The following STX8 variants were observed in gnomAD, a reference collection of about 807,000 sequenced individuals.
STX8 encodes the protein syntaxin 8.
A neutral mutation model predicts 37.5 loss-of-function variants in STX8; 23 were observed. The ratio of observed to expected loss-of-function variants is 0.61; its 90% confidence interval spans 0.44 to 0.87. The LOEUF is 0.87. Ranked by LOEUF, STX8 falls within the 40% of genes least tolerant of loss-of-function variation. The pLI is 0.00. For missense variants in STX8, 313 were observed against 284.7 expected (o/e 1.10, Z -0.71); for synonymous variants, 115 against 99.1 (o/e 1.16, Z -0.95).
intron 7 of STX8, among the ~76,000 whole-genome samples, chr17:9,315,599 A>G (rs1378244428): frequency 6.6e-6 from 1 of 152,186 alleles, no homozygotes; most frequent in Non-Finnish European, 1.5e-5. Context: ...CATGTTGACT[A>G]TGTATATTTA....
intron 6 of STX8, chr17:9,461,123 T>C (rs1905364737): frequency 1.3e-5 from 2 of 152,080 alleles, no homozygotes; most frequent in African/African-American, 4.8e-5. Context: ...TAAATAATAA[T>C]ATTCCCAAGT....
At chr17:9,506,259 C>T (rs993973703) in intron 4 of STX8, among the ~76,000 whole-genome samples, 2 of 152,016 alleles carry the variant, frequency 1.3e-5, no homozygotes, top group African/African-American at 4.8e-5. Flanking sequence ...TCATCTTGTC[C>T]AGGACACGAC....
chr17:9,326,204 C>T (rs549633559), intron 7 of STX8, among the ~76,000 whole-genome samples: 1 of 152,008 alleles, frequency 6.6e-6, no homozygotes, highest in African/African-American at 2.4e-5. Context: ...GATCATGGCT[C>T]ATTGCAGCCT....
rs544857170 is a variant in STX8, at chr17:9,274,316, T to C, written c.644-23671A>G. On this transcript the variant is annotated intron_variant, in intron 7 of 7. Coordinates refer to ENST00000306357, the MANE Select transcript of STX8 (RefSeq NM_004853.3). Reference sequence around the variant, plus strand: ...TGGCTTTGTTCATAACTTCCTGCAGTAAAAAAAAGTCTTCAAAAAACCCAA... The same window carrying C: ...TGGCTTTGTTCATAACTTCCTGCAGCAAAAAAAAGTCTTCAAAAAACCCAA... Among the ~76,000 whole-genome samples the C allele has an allele frequency of 3.8e-4, 57 of 151,720 alleles. 1 individual carries two copies. In the South Asian group the frequency reaches 4.6e-3, roughly 12 times the overall value.
At chr17:9,487,058 T>C (rs1054287972) in intron 6 of STX8, among the ~76,000 whole-genome samples, 1 of 152,196 alleles carries the variant, frequency 6.6e-6, no homozygotes, top group Non-Finnish European at 1.5e-5. Flanking sequence ...ACTTAACTGC[T>C]GATCCATTTC....
intron 7 of STX8, among the ~76,000 whole-genome samples, chr17:9,343,305 A>T (rs1043655036): frequency 6.6e-6 from 1 of 152,156 alleles, no homozygotes; most frequent in African/African-American, 2.4e-5. Context: ...TTACCCAGAG[A>T]CAGTAAAATC....
intron 7 of STX8, among the ~76,000 whole-genome samples, chr17:9,267,082 A>T (rs1160557714): frequency 6.6e-6 from 1 of 152,188 alleles, no homozygotes; most frequent in African/African-American, 2.4e-5. Flanking sequence ...GAGTGTGTGA[A>T]AGGGTGAACG....
At chr17:9,438,699 C>T (rs1459709642) in intron 6 of STX8, among the ~76,000 whole-genome samples, 5 of 152,058 alleles carry the variant, frequency 3.3e-5, no homozygotes, top group Admixed American at 2.0e-4. Context: ...GAGGCCGAGG[C>T]AGGTGGATCA....
intron 6 of STX8, among the ~76,000 whole-genome samples, chr17:9,455,477 G>C (rs1445149501): frequency 6.6e-6 from 1 of 152,168 alleles, no homozygotes; most frequent in Non-Finnish European, 1.5e-5. Flanking sequence ...TCCAGCCTGG[G>C]CGACAGAGCG....
intron 4 of STX8, among the ~76,000 whole-genome samples, chr17:9,510,162 T>A (rs548980235): frequency 1.3e-5 from 2 of 152,154 alleles, no homozygotes; most frequent in Non-Finnish European, 2.9e-5. Context: ...AAGGGAGAGA[T>A]AGACTCAAAT....
intron 7 of STX8, among the ~76,000 whole-genome samples, chr17:9,375,009 A>G (rs1271316514): frequency 7.1e-6 from 1 of 141,684 alleles, no homozygotes; most frequent in African/African-American, 2.6e-5. Context: ...GGTTGCAGTG[A>G]GCTGAGATTG....
At chr17:9,566,512 T>C (rs563652084) in intron 2 of STX8, among the ~76,000 whole-genome samples, 1 of 151,776 alleles carries the variant, frequency 6.6e-6, no homozygotes, top group East Asian at 1.9e-4. Flanking sequence ...TGTGGCCAGG[T>C]GGGGTGGCTC....
At chr17:9,398,408 C>T (rs191739531) in intron 6 of STX8, among the ~76,000 whole-genome samples, 23 of 152,202 alleles carry the variant, frequency 1.5e-4, no homozygotes, top group African/African-American at 5.3e-4. Flanking sequence ...TGAGCATTAC[C>T]CCCACAAAAC....
chr17:9,498,073 G>A (rs960993795), intron 5 of STX8, among the ~76,000 whole-genome samples: 1 of 152,060 alleles, frequency 6.6e-6, no homozygotes, highest in Non-Finnish European at 1.5e-5. Context: ...CTCAATAAAG[G>A]AAGGTAGGAA....
intron 7 of STX8, among the ~76,000 whole-genome samples, chr17:9,276,195 C>T (rs1005683747): frequency 3.3e-5 from 5 of 152,130 alleles, no homozygotes; most frequent in Non-Finnish European, 7.3e-5. Flanking sequence ...TGATTTTGGT[C>T]CAGTACATGC....
At chr17:9,297,268 GA>G in intron 7 of STX8, among the ~76,000 whole-genome samples, 1 of 142,080 alleles carries the variant, frequency 7.0e-6, no homozygotes, top group Non-Finnish European at 1.5e-5. Context: ...GAAAAAAAAA[GA>G]AAAAGTGAAT....
rs56831788 is a variant in STX8, at chr17:9,345,692, CTTT to C, written c.643+32857_643+32859del. Among the ~76,000 whole-genome samples the C allele has an allele frequency of 2.6e-3, 358 of 139,794 alleles. 1 individual carries two copies. Among genetic ancestry groups the C allele is most frequent in the East Asian group, 7.3e-3 (35 of 4,782 alleles). 91.7% of individuals were successfully genotyped at this position (139,794 alleles called of 152,430 possible). On this transcript the variant is annotated intron_variant, in intron 7 of 7. Transcript: ENST00000306357. ...GTTAACATATCCCTTATCTCACATA[CTTT>C]TTTTTTTTTTTTGTAGTGACAACAT...
At chr17:9,499,258 G>A (rs932409058) in intron 5 of STX8, among the ~76,000 whole-genome samples, 2 of 152,132 alleles carry the variant, frequency 1.3e-5, no homozygotes, top group African/African-American at 4.8e-5. Context: ...TGGCAAGGAC[G>A]CAAACAAAGC....
rs144483845 is a variant in STX8, at chr17:9,266,844, G to A, written c.644-16199C>T. 3.1e-3 allele frequency among the ~76,000 whole-genome samples: 479 copies of A among 152,238 alleles called. 3 individuals carry two copies. Among genetic ancestry groups the A allele is most frequent in the Non-Finnish European group, 4.6e-3 (316 of 68,020 alleles). ...GCTGATGAGAGAGCGGCCAGACGTG[G>A]GCCTTTTGCTTTCAGCCAAGTCTTT... On this transcript the variant is annotated intron_variant, in intron 7 of 7. Coordinates refer to ENST00000306357, the MANE Select transcript of STX8 (RefSeq NM_004853.3).
Sources: gnomAD v4.1 joint callset for allele counts (sites outside exome capture counted in the v4.1 genomes callset) on GRCh38, gnomAD v4.1.1 for gene constraint, MANE v1.5 for transcripts, NCBI Gene and HGNC (gene_info 2026-07-23, HGNC 2026-07-21) for gene names.